KATNAL2: variants seen among roughly 807,000 people sequenced by gnomAD.
The protein encoded by KATNAL2 is katanin catalytic subunit A1 like 2.
A neutral mutation model predicts 76.3 loss-of-function variants in KATNAL2; 52 were observed. That is an observed-to-expected ratio of 0.68 (90% CI 0.55 to 0.86). KATNAL2 has a LOEUF of 0.86. Ranked by LOEUF, KATNAL2 falls within the 40% of genes least tolerant of loss-of-function variation. KATNAL2 has a pLI of 0.00. For missense variants in KATNAL2, 660 were observed against 668.9 expected, an observed-to-expected ratio of 0.99 and a Z score of 0.15; for synonymous variants, 243 against 244.2, an observed-to-expected ratio of 1.00 and a Z score of 0.05.
chr18:47,034,486 T>G, intron 3 of KATNAL2: 1 of 1,614,128 alleles, frequency 6.2e-7, no homozygotes, highest in Non-Finnish European at 8.5e-7. Flanking sequence ...TGGGGTTTCC[T>G]CTCTTAAGCA....
intron 15 of KATNAL2, among the ~76,000 whole-genome samples, chr18:47,083,642 T>G (rs1433944015): frequency 6.6e-6 from 1 of 152,164 alleles, no homozygotes; most frequent in Non-Finnish European, 1.5e-5. Flanking sequence ...AGAACAGCTC[T>G]TGTGTGTCAA....
chr18:47,068,062 A>T (rs1390224647), intron 11 of KATNAL2, among the ~76,000 whole-genome samples: 1 of 152,202 alleles, frequency 6.6e-6, no homozygotes, highest in African/African-American at 2.4e-5. Flanking sequence ...ATTCACAAGC[A>T]TCTTTCATGC....
intron 13 of KATNAL2, among the ~76,000 whole-genome samples, chr18:47,074,955 G>C (rs1034244626): frequency 1.3e-5 from 2 of 152,148 alleles, no homozygotes; most frequent in African/African-American, 4.8e-5. Flanking sequence ...TATTGGCAGG[G>C]TGTTTCAGGG....
At chr18:47,087,959 T>C (rs2062845592) in intron 15 of KATNAL2, among the ~76,000 whole-genome samples, 1 of 152,194 alleles carries the variant, frequency 6.6e-6, no homozygotes. Flanking sequence ...CTTTTCTTTT[T>C]CTTGAGCGTT....
At chr18:46,918,562 C>T (rs1334496306) in intron 1 of KATNAL2, among the ~76,000 whole-genome samples, 1 of 152,138 alleles carries the variant, frequency 6.6e-6, no homozygotes, top group Non-Finnish European at 1.5e-5. Flanking sequence ...TCAAGCGATT[C>T]TCCTACCTCC....
intron 3 of KATNAL2, chr18:47,032,811 A>G (rs893074589): frequency 2.0e-6 from 2 of 1,004,546 alleles, no homozygotes; most frequent in Non-Finnish European, 2.9e-6. Flanking sequence ...GTGTTCTCCA[A>G]GCTGGGAGGT....
chr18:47,047,770 A>G (rs1279009098), intron 4 of KATNAL2, among the ~76,000 whole-genome samples: 1 of 151,884 alleles, frequency 6.6e-6, no homozygotes, highest in Admixed American at 6.6e-5. Context: ...CCAGGGCTGC[A>G]TGATCATAGT....
intron 3 of KATNAL2, among the ~76,000 whole-genome samples, chr18:46,948,236 G>A (rs990929318): frequency 4.0e-5 from 6 of 151,800 alleles, no homozygotes; most frequent in African/African-American, 1.5e-4. Context: ...TCAGCCTCCC[G>A]AGTAGCTGGG....
intron 3 of KATNAL2, among the ~76,000 whole-genome samples, chr18:47,031,838 T>C (rs1350100337): frequency 6.6e-6 from 1 of 152,162 alleles, no homozygotes; most frequent in Non-Finnish European, 1.5e-5. Context: ...AAGAATGCTT[T>C]CTTGTCTTCC....
rs2059597847 is a variant in KATNAL2 at position 46,952,629 on chromosome 18, G to A, written c.51+5706G>A. On this transcript the variant is annotated intron_variant, in intron 3 of 17. Transcript: ENST00000683218. ...TTGGTCAGGCTGATCTCGAACTCCTGACCTCATGATCCACCTGCCTCGGCC... is the reference window on the plus strand; with the variant it reads ...TTGGTCAGGCTGATCTCGAACTCCTAACCTCATGATCCACCTGCCTCGGCC... Among the ~76,000 whole-genome samples the A allele has an allele frequency of 4.6e-5, 7 of 151,968 alleles. No individual in the cohort carries two copies. The South Asian group carries it at 1.5e-3, about 32-fold the overall frequency.
chr18:46,953,326 T>A (rs1326167445), intron 3 of KATNAL2, among the ~76,000 whole-genome samples: 3 of 152,204 alleles, frequency 2.0e-5, no homozygotes, highest in African/African-American at 7.2e-5. Context: ...TGATACAGGG[T>A]TGTCCATTTA....
rs184518740 is a variant in KATNAL2 at position 47,058,076 on chromosome 18, C to A, written c.333-159C>A. ...TGGAGGGTGTTAGGGCCAGGATGGA[C>A]CTGGTGGGTGGATCACATAGGTGGA... On this transcript the variant is annotated intron_variant, in intron 6 of 17. Coordinates refer to ENST00000683218, the MANE Select transcript of KATNAL2 (RefSeq NM_001387690.1). 7.2e-5 allele frequency among the ~76,000 whole-genome samples: 11 copies of A among 152,206 alleles called. No individual in the cohort carries two copies. The East Asian group carries it at 1.5e-3, about 21-fold the overall frequency.
At chr18:47,100,572 T>C (rs1415164052) in intron 17 of KATNAL2, among the ~76,000 whole-genome samples, 1 of 152,126 alleles carries the variant, frequency 6.6e-6, no homozygotes, top group African/African-American at 2.4e-5. Context: ...CAGGCTTTTA[T>C]TTCTCTGGCA....
intron 3 of KATNAL2, chr18:47,032,457 A>G (rs527911526): frequency 5.9e-6 from 1 of 168,130 alleles, no homozygotes; most frequent in Non-Finnish European, 1.3e-5. Flanking sequence ...TATTTTGCCC[A>G]GGCTGTTCTT....
intron 4 of KATNAL2, among the ~76,000 whole-genome samples, chr18:47,051,768 T>G (rs1468486996): frequency 6.6e-6 from 1 of 152,100 alleles, no homozygotes; most frequent in African/African-American, 2.4e-5. Flanking sequence ...GGCATCTTCT[T>G]TTAAGAAAGT....
rs117420263 is a variant in KATNAL2, at chr18:47,093,634, C to T, written c.1212-5609C>T. 9.5e-4 allele frequency among the ~76,000 whole-genome samples: 144 copies of T among 152,088 alleles called. 1 individual carries two copies. In the East Asian group the frequency reaches 0.025, roughly 27 times the overall value. On this transcript the variant is annotated intron_variant, in intron 15 of 17. Coordinates refer to ENST00000683218, the MANE Select transcript of KATNAL2 (RefSeq NM_001387690.1). ...GCAGCCTCAACCTCTTGGGTTCAAG[C>T]GATCCTCCCATGTCCCAACTAGCTG...
In KATNAL2 at chr18:47,097,117, TC is replaced by T. The variant is rs1448247165; in HGVS notation, c.1212-2125del. 7.1e-4 allele frequency among the ~76,000 whole-genome samples: 63 copies of T among 88,442 alleles called. No individual in the cohort carries two copies. The South Asian group carries it at 9.0e-3, about 13-fold the overall frequency. 58.0% of individuals were successfully genotyped at this position (88,442 alleles called of 152,430 possible). ...CTGGGCAACAGAGGAAGACCCTGGC[TC>T]AAAAAAAAAAAAAAAAAAAAAATCC... On this transcript the variant is annotated intron_variant, in intron 15 of 17. Transcript: ENST00000683218.
At chr18:47,036,401 A>C (rs979721521) in intron 3 of KATNAL2, among the ~76,000 whole-genome samples, 1 of 152,194 alleles carries the variant, frequency 6.6e-6, no homozygotes, top group African/African-American at 2.4e-5. Flanking sequence ...TTTTAGTCAT[A>C]TCTTTTGAGC....
At chr18:47,055,181 A>G (rs1454410253) in intron 6 of KATNAL2, among the ~76,000 whole-genome samples, 2 of 152,134 alleles carry the variant, frequency 1.3e-5, no homozygotes, top group Non-Finnish European at 2.9e-5. Flanking sequence ...GTTCAGAAAT[A>G]CCCAGGGGAA....
Sources: gnomAD v4.1 joint callset for allele counts (sites outside exome capture counted in the v4.1 genomes callset) on GRCh38, gnomAD v4.1.1 for gene constraint, MANE v1.5 for transcripts, NCBI Gene and HGNC (gene_info 2026-07-23, HGNC 2026-07-21) for gene names.